The following SMYD3 variants were observed in gnomAD, a reference collection of about 807,000 sequenced individuals.
The protein encoded by SMYD3 is histone-lysine N-methyltransferase SMYD3.
Under a neutral mutation model 57.7 loss-of-function variants are expected in SMYD3, and 36 were observed. The ratio of observed to expected loss-of-function variants is 0.62; its 90% CI spans 0.48 to 0.82. The LOEUF (loss-of-function observed/expected upper bound fraction) is 0.82, where lower values mean the gene tolerates loss of function less well. SMYD3 is among the 40% of genes least tolerant of loss of function. The pLI is 0.00. For synonymous variants in SMYD3, 211 were observed against 195.0 expected, an observed-to-expected ratio of 1.08 and a Z score of -0.68; for missense variants, 515 against 538.8, an observed-to-expected ratio of 0.96 and a Z score of 0.44.
At chr1:246,012,639 T>C (rs937537105) in intron 5 of SMYD3, among the ~76,000 whole-genome samples, 5 of 152,168 alleles carry the variant, frequency 3.3e-5, no homozygotes, top group Admixed American at 3.3e-4. Context: ...TTTCACCAAG[T>C]GCTACTCTCC....
chr1:246,055,519 C>T (rs1318236886), intron 5 of SMYD3, among the ~76,000 whole-genome samples: 1 of 152,176 alleles, frequency 6.6e-6, no homozygotes, highest in African/African-American at 2.4e-5. Context: ...ACCTGAAGAG[C>T]TGAAAGCACA....
At chr1:246,333,760 C>T (rs543344740) in intron 3 of SMYD3, among the ~76,000 whole-genome samples, 5 of 151,956 alleles carry the variant, frequency 3.3e-5, no homozygotes, top group African/African-American at 1.2e-4. Context: ...GTGGCATGCA[C>T]CTGTGGTCCC....
intron 5 of SMYD3, among the ~76,000 whole-genome samples, chr1:246,118,911 G>C (rs1388937223): frequency 2.2e-4 from 33 of 151,468 alleles, no homozygotes; most frequent in Non-Finnish European, 1.5e-5. Flanking sequence ...CCTTAAGGAT[G>C]AAAGTCAGGT....
intron 5 of SMYD3, among the ~76,000 whole-genome samples, chr1:246,199,648 G>A (rs2062878769): frequency 6.6e-6 from 1 of 152,324 alleles, no homozygotes; most frequent in Middle Eastern, 3.4e-3. Flanking sequence ...AAATTCAGAA[G>A]AGCACACCTG....
At chr1:245,971,399 C>T (rs1308418599) in intron 5 of SMYD3, among the ~76,000 whole-genome samples, 1 of 151,836 alleles carries the variant, frequency 6.6e-6, no homozygotes, top group Non-Finnish European at 1.5e-5. Flanking sequence ...ACCTATGTAA[C>T]AAAGCTGCAC....
intron 5 of SMYD3, among the ~76,000 whole-genome samples, chr1:245,951,577 A>AAAC (rs2147945958): frequency 6.7e-6 from 1 of 149,726 alleles, no homozygotes; most frequent in East Asian, 2.0e-4. Flanking sequence ...TCAAAAAAAA[A>AAAC]AAAAAACAAT....
chr1:246,002,224 A>T (rs11803511), intron 5 of SMYD3, among the ~76,000 whole-genome samples: 6 of 148,002 alleles, frequency 4.1e-5, no homozygotes, highest in Non-Finnish European at 6.0e-5. Flanking sequence ...TCGCTCCGTC[A>T]CCCAGGCTGG....
intron 5 of SMYD3, among the ~76,000 whole-genome samples, chr1:245,983,183 G>A (rs1396743830): frequency 6.6e-6 from 1 of 152,162 alleles, no homozygotes; most frequent in Non-Finnish European, 1.5e-5. Flanking sequence ...CAGCTTTCGG[G>A]ACATTGTTTT....
chr1:246,029,933 T>A (rs903002553), intron 5 of SMYD3, among the ~76,000 whole-genome samples: 1 of 151,302 alleles, frequency 6.6e-6, no homozygotes, highest in South Asian at 2.1e-4. Context: ...GAGCACAGCA[T>A]TTCCACAAAA....
At chr1:246,257,218 C>T (rs904501476) in intron 5 of SMYD3, among the ~76,000 whole-genome samples, 9 of 152,238 alleles carry the variant, frequency 5.9e-5, no homozygotes, top group South Asian at 4.1e-4. Flanking sequence ...TTTCTTTGTT[C>T]GTTTTCTGCC....
chr1:245,981,796 T>A (rs1010222247), intron 5 of SMYD3, among the ~76,000 whole-genome samples: 1 of 152,248 alleles, frequency 6.6e-6, no homozygotes, highest in Admixed American at 6.5e-5. Context: ...GAAGGGGTCC[T>A]TTAACTTGGG....
intron 5 of SMYD3, among the ~76,000 whole-genome samples, chr1:246,271,842 G>A (rs571375262): frequency 2.6e-3 from 395 of 152,066 alleles, no homozygotes; most frequent in African/African-American, 8.7e-3. Context: ...ACATCATTGC[G>A]ATTTTGATAG....
chr1:246,108,847 G>C (rs2147970995), intron 5 of SMYD3: 1 of 152,280 alleles, frequency 6.6e-6, no homozygotes, highest in Non-Finnish European at 1.5e-5. Flanking sequence ...TCCTCCCTGA[G>C]GCCTCCACTG....
At chr1:245,801,897 T>A (rs1249880514) in intron 10 of SMYD3, among the ~76,000 whole-genome samples, 1 of 146,154 alleles carries the variant, frequency 6.8e-6, no homozygotes. Context: ...GTAAGTTGTT[T>A]AAAAAAACAC....
intron 5 of SMYD3, among the ~76,000 whole-genome samples, chr1:246,055,883 G>A (rs1049742958): frequency 7.2e-5 from 11 of 152,144 alleles, no homozygotes; most frequent in Admixed American, 2.0e-4. Context: ...CATTTAATGG[G>A]TTCAAAGTTT....
At chr1:246,149,548 G>C (rs2061909822) in intron 5 of SMYD3, among the ~76,000 whole-genome samples, 1 of 152,112 alleles carries the variant, frequency 6.6e-6, no homozygotes, top group Admixed American at 6.5e-5. Context: ...GATTAAGTCT[G>C]CTCTATGATG....
chr1:246,342,386 CCA>C (rs1236371940), intron 2 of SMYD3, among the ~76,000 whole-genome samples: 1 of 152,166 alleles, frequency 6.6e-6, no homozygotes, highest in African/African-American at 2.4e-5. Context: ...CCATTTACAT[CCA>C]GTTTGCTTGA....
At chr1:246,047,545 AT>A (rs1413940630) in intron 5 of SMYD3, among the ~76,000 whole-genome samples, 1 of 152,236 alleles carries the variant, frequency 6.6e-6, no homozygotes, top group Non-Finnish European at 1.5e-5. Context: ...AATCTTAAAA[AT>A]TATTCACCAG....
intron 5 of SMYD3, among the ~76,000 whole-genome samples, chr1:246,098,224 A>G (rs7514524): frequency 0.36 from 54,860 of 152,092 alleles, 12,847 homozygotes; most frequent in African/African-American, 0.64. Context: ...AATTAGCTCC[A>G]AAACTACTAA....
Sources: allele counts gnomAD v4.1 joint callset (sites outside exome capture counted in the v4.1 genomes callset), GRCh38; gene constraint gnomAD v4.1.1; transcripts MANE v1.5; gene names NCBI Gene and HGNC (gene_info 2026-07-23, HGNC 2026-07-21).